Variants in EPS15 observed in about 807,000 individuals in gnomAD.
EPS15 encodes the protein epidermal growth factor receptor pathway substrate 15, also known as epidermal growth factor receptor substrate 15.
A neutral mutation model predicts 113.8 loss-of-function variants in EPS15; 72 were observed. The ratio of observed to expected loss-of-function variants is 0.63; its 90% confidence interval spans 0.52 to 0.77. The LOEUF (loss-of-function observed/expected upper bound fraction) is 0.77, where lower values mean the gene tolerates loss of function less well. Among genes scored for constraint, EPS15 ranks in the 30% least tolerant of loss-of-function variants. The pLI, the probability that EPS15 is intolerant of heterozygous loss-of-function variation, is 0.00. For missense variants in EPS15, 1,048 were observed against 1,045.8 expected, an observed-to-expected ratio of 1.00 and a Z score of -0.03; for synonymous variants, 344 against 363.4, an observed-to-expected ratio of 0.95 and a Z score of 0.61.
intron 13 of EPS15, among the ~76,000 whole-genome samples, chr1:51,414,945 T>C (rs1348840757): frequency 6.6e-6 from 1 of 152,224 alleles, no homozygotes; most frequent in Non-Finnish European, 1.5e-5. Context: ...TACATCTTTT[T>C]CATACTTTTC....
At position 51,370,209 on chromosome 1, in the gene EPS15, T is replaced by C. The variant is rs111507680; in HGVS notation, c.2120-4180A>G. Among the ~76,000 whole-genome samples, 1,080 of 152,354 alleles carry C rather than the reference T, an allele frequency of 7.1e-3. 7 individuals carry two copies. Among genetic ancestry groups the C allele is most frequent in the African/African-American group, 0.025 (1,037 of 41,578 alleles). On this transcript the variant is annotated intron_variant, in intron 21 of 24. Coordinates refer to ENST00000371733, the MANE Select transcript of EPS15 (RefSeq NM_001981.3). ...TAGTCCAATGCATTACTCATGTGTT[T>C]GTGGTGATGTTGGTGTAAACAAACC...
chr1:51,400,712 C>CAAAAAAAAAAAAAAACA (rs1648437724), intron 19 of EPS15, among the ~76,000 whole-genome samples: 1 of 60,182 alleles, frequency 1.7e-5, no homozygotes, highest in Non-Finnish European at 3.1e-5. Flanking sequence ...CAAAAAACAC[C>CAAAAAAAAAAAAAAACA]AAAAAAAAAA....
rs1288557483 is a variant in EPS15, at chr1:51,354,875, A to C, written c.*1825T>G. ...TATTTAATATTTGAGTTTAATTGAA[A>C]ATTTTTTTGAAGCATTTAAACATTT... On this transcript the variant is annotated 3_prime_UTR_variant, in exon 25 of 25. Transcript: ENST00000371733. The C allele has an allele frequency of 4.9e-6, 1 of 202,216 alleles. No individual in the cohort carries two copies. The highest frequency in any genetic ancestry group is 2.3e-5 in the African/African-American group (1 of 43,572). 12.5% of individuals were successfully genotyped at this position (202,216 alleles called of 1,614,324 possible). A position where few individuals can be genotyped will look rare whatever the true frequency, so the allele number is the denominator to read the frequency against.
At chr1:51,495,378 T>C (rs893001633) in intron 1 of EPS15, among the ~76,000 whole-genome samples, 1 of 151,530 alleles carries the variant, frequency 6.6e-6, no homozygotes, top group Non-Finnish European at 1.5e-5. Flanking sequence ...GGCAAGTATG[T>C]AGAGTAAGAG....
At chr1:51,465,829 A>G (rs565299533) in intron 5 of EPS15, among the ~76,000 whole-genome samples, 78 of 152,118 alleles carry the variant, frequency 5.1e-4, no homozygotes, top group African/African-American at 1.8e-3. Context: ...GAAATTCTCT[A>G]AACTTAAGAA....
At chr1:51,487,709 G>A (rs1316672212) in intron 1 of EPS15, among the ~76,000 whole-genome samples, 1 of 152,062 alleles carries the variant, frequency 6.6e-6, no homozygotes, top group African/African-American at 2.4e-5. Flanking sequence ...CACATTACAG[G>A]TTCATTGGTT....
intron 24 of EPS15, among the ~76,000 whole-genome samples, chr1:51,358,242 G>T (rs140224177): frequency 2.8e-4 from 42 of 152,114 alleles, no homozygotes; most frequent in African/African-American, 9.9e-4. Flanking sequence ...AGTGAGCTGT[G>T]ATCATACCAC....
Position 51,399,300 on chromosome 1 carries a change from C to T in EPS15, c.1919-135G>A, listed in dbSNP as rs1648278922. On this transcript the variant is annotated intron_variant, in intron 19 of 24. Transcript: ENST00000371733. ...GTGCAGTGGCTCACGTCTGCATTCC[C>T]ACCACTTTGGGAGGCTGAGACAGGC... is the stretch of plus-strand genomic sequence containing the variant. 4 of 729,008 alleles carry T rather than the reference C, an allele frequency of 5.5e-6. No individual in the cohort carries two copies. The East Asian group carries it at 1.1e-4, about 20-fold the overall frequency. The allele number at this position is 729,008 out of a possible 1,614,324, so 45.2% of individuals were successfully genotyped here.
At position 51,387,535 on chromosome 1, in the gene EPS15, A is replaced by C. The variant is rs553757580; in HGVS notation, c.2119+6846T>G. On this transcript the variant is annotated intron_variant, in intron 21 of 24. Coordinates refer to ENST00000371733, the MANE Select transcript of EPS15 (RefSeq NM_001981.3). ...AAGACACAGACTGGCAAGTTGGATAAAGAGTCAAGACCCATTAGTGTGCTG... is the reference window on the plus strand; with the variant it reads ...AAGACACAGACTGGCAAGTTGGATACAGAGTCAAGACCCATTAGTGTGCTG... Among the ~76,000 whole-genome samples the C allele has an allele frequency of 1.1e-3, 165 of 152,316 alleles. 1 individual carries two copies. Among genetic ancestry groups the C allele is most frequent in the African/African-American group, 3.9e-3 (163 of 41,560 alleles).
Position 51,399,023 on chromosome 1 carries a change from C to T in EPS15, c.2052+9G>A. The T allele has an allele frequency of 1.2e-6, 2 of 1,607,104 alleles. No individual in the cohort carries two copies. Among genetic ancestry groups the T allele is most frequent in the Non-Finnish European group, 1.7e-6 (2 of 1,176,430 alleles). The stretch of plus-strand genomic sequence containing the variant: ...ATTTAACTTAACAGTTTTTAATTCT[C>T]CCACTTACCGATGTAATACTGCTAT... On this transcript the variant is annotated intron_variant, in intron 20 of 24. Transcript: ENST00000371733.
chr1:51,468,240 G>A (rs1041497886), intron 5 of EPS15, among the ~76,000 whole-genome samples: 7 of 152,044 alleles, frequency 4.6e-5, no homozygotes, highest in African/African-American at 1.7e-4. Context: ...GATTACAGGC[G>A]TGAGCAACCT....
chr1:51,476,634 T>C (rs1643909203), intron 2 of EPS15, among the ~76,000 whole-genome samples: 1 of 152,134 alleles, frequency 6.6e-6, no homozygotes, highest in Non-Finnish European at 1.5e-5. Flanking sequence ...TTTGTTGATC[T>C]TTTCAAAAAA....
chr1:51,409,795 T>G (rs930384961), intron 13 of EPS15, 99 bp from the exon 14 acceptor site: 2 of 778,006 alleles, frequency 2.6e-6, no homozygotes, highest in Admixed American at 2.6e-5. Context: ...AAAGTCTTAC[T>G]GAGTATACTG....
At chr1:51,464,495 C>A (rs993354804) in intron 6 of EPS15, among the ~76,000 whole-genome samples, 1 of 152,076 alleles carries the variant, frequency 6.6e-6, no homozygotes, top group Non-Finnish European at 1.5e-5. Context: ...CCGCCTCACC[C>A]TCCCAAAGTG....
At chr1:51,435,031 A>C (rs1166234489) in intron 12 of EPS15, among the ~76,000 whole-genome samples, 1 of 152,014 alleles carries the variant, frequency 6.6e-6, no homozygotes, top group East Asian at 1.9e-4. Context: ...ATGATAAATT[A>C]CTATGTTATG....
rs1230556348 is a variant in EPS15 at position 51,356,748 on chromosome 1, G to A, written c.2643C>T (p.Asp881=). ...LARLNQQEQE[D]LELAIALSKS... is the part of the protein sequence containing the mutation. The stretch of plus-strand genomic sequence containing the variant: ...TGCTGAGTGCAATAGCCAGTTCTAA[G>A]TCTTCTTGTTCCTGCTGATTTAGTC... Residue 881 remains aspartate (D), a synonymous_variant, in exon 25 of 25, where the codon GAC becomes GAT. Coordinates refer to ENST00000371733, the MANE Select transcript of EPS15 (RefSeq NM_001981.3). 2 of 1,613,942 alleles carry A rather than the reference G, an allele frequency of 1.2e-6. No individual in the cohort carries two copies. The highest frequency in any genetic ancestry group is 1.7e-6 in the Non-Finnish European group (2 of 1,179,874).
chr1:51,369,984 A>T (rs1281935389), intron 21 of EPS15, among the ~76,000 whole-genome samples: 6 of 152,246 alleles, frequency 3.9e-5, no homozygotes, highest in Non-Finnish European at 5.9e-5. Flanking sequence ...AACCAGATGA[A>T]TAACAAGGAA....
chr1:51,439,529 G>C (rs968014373), intron 12 of EPS15, among the ~76,000 whole-genome samples: 6 of 152,054 alleles, frequency 3.9e-5, no homozygotes, highest in African/African-American at 1.4e-4. Flanking sequence ...GTGCCCTGTA[G>C]ACAGAAAAAT....
chr1:51,514,411 A>C (rs1274298080), intron 1 of EPS15, among the ~76,000 whole-genome samples: 1 of 152,084 alleles, frequency 6.6e-6, no homozygotes, highest in Non-Finnish European at 1.5e-5. Context: ...GTACATGTGA[A>C]GGTTTATTAC....
Sources: gnomAD v4.1 joint callset for allele counts (sites outside exome capture counted in the v4.1 genomes callset) on GRCh38, gnomAD v4.1.1 for gene constraint, MANE v1.5 for transcripts, NCBI Gene and HGNC (gene_info 2026-07-23, HGNC 2026-07-21) for gene names.